PIWIL2: variants seen among roughly 807,000 people sequenced by gnomAD.
PIWIL2 encodes piwi-like protein 2.
Under a neutral mutation model 116.5 loss-of-function variants are expected in PIWIL2, and 81 were observed. That is an observed-to-expected ratio of 0.70 (90% CI 0.58 to 0.84). The LOEUF (loss-of-function observed/expected upper bound fraction) is 0.84, where lower values mean the gene tolerates loss of function less well. Ranked by LOEUF, PIWIL2 falls within the 40% of genes least tolerant of loss-of-function variation. The pLI is 0.00. For missense variants in PIWIL2, 1,272 were observed against 1,212.3 expected, an observed-to-expected ratio of 1.05 and a Z score of -0.73; for synonymous variants, 489 against 429.5, an observed-to-expected ratio of 1.14 and a Z score of -1.71.
At position 22,337,741 on chromosome 8, in the gene PIWIL2, TTAATAA is replaced by T. The variant is rs537946151; in HGVS notation, c.2404-15214_2404-15209del. Among the ~76,000 whole-genome samples the T allele has an allele frequency of 3.5e-4, 53 of 150,942 alleles. 1 individual carries two copies. Among genetic ancestry groups the T allele is most frequent in the African/African-American group, 1.3e-3 (53 of 41,128 alleles). On this transcript the variant is annotated intron_variant, in intron 20 of 22. Coordinates refer to ENST00000356766, the MANE Select transcript of PIWIL2 (RefSeq NM_018068.5). Reference sequence around the variant, plus strand: ...GCAAAACTCTGTCTCAAAAAAAAAATTAATAATAAATAAATAATAATACTAGACATA... The same window carrying T: ...GCAAAACTCTGTCTCAAAAAAAAAATTAAATAAATAATAATACTAGACATA...
chr8:22,319,424 C>A (rs1425265362), intron 20 of PIWIL2, among the ~76,000 whole-genome samples: 1 of 152,150 alleles, frequency 6.6e-6, no homozygotes, highest in East Asian at 1.9e-4. Flanking sequence ...GATCTGTCTT[C>A]TAATACCTAT....
chr8:22,323,169 A>C (rs1586579169), intron 20 of PIWIL2, among the ~76,000 whole-genome samples: 1 of 84,456 alleles, frequency 1.2e-5, no homozygotes. Flanking sequence ...TTTTTTTGAG[A>C]CAGAGTCTTG....
chr8:22,347,516 CTTTTTTTT>C (rs1218303089), intron 20 of PIWIL2, among the ~76,000 whole-genome samples: 3 of 98,448 alleles, frequency 3.0e-5, no homozygotes, highest in African/African-American at 1.1e-4. Flanking sequence ...TGTGCCTGGC[CTTTTTTTT>C]TTTTTTTTTT....
intron 21 of PIWIL2, 49 bp downstream of exon 21, chr8:22,353,261 T>A: frequency 6.5e-7 from 1 of 1,535,914 alleles, no homozygotes; most frequent in Non-Finnish European, 8.9e-7. Flanking sequence ...GTTGGAGATG[T>A]TGTCACTTTC....
At chr8:22,296,579 A>C (rs1830912735) in intron 10 of PIWIL2, among the ~76,000 whole-genome samples, 1 of 152,208 alleles carries the variant, frequency 6.6e-6, no homozygotes, top group East Asian at 1.9e-4. Context: ...GTTTGGAGAT[A>C]CTTTACCCTG....
At chr8:22,339,360 T>C (rs1164017951) in intron 20 of PIWIL2, among the ~76,000 whole-genome samples, 1 of 151,842 alleles carries the variant, frequency 6.6e-6, no homozygotes, top group African/African-American at 2.4e-5. Flanking sequence ...ACAAAAAAAT[T>C]AGCTGGGCGT....
intron 20 of PIWIL2, among the ~76,000 whole-genome samples, chr8:22,324,720 CTT>C (rs1229063910): frequency 6.6e-6 from 1 of 152,176 alleles, no homozygotes; most frequent in Non-Finnish European, 1.5e-5. Context: ...GAAATAAAGT[CTT>C]TGCATATGAT....
At position 22,294,171 on chromosome 8, in the gene PIWIL2, C is replaced by G. The variant is rs149028830; in HGVS notation, c.1181+3825C>G. Among the ~76,000 whole-genome samples the G allele has an allele frequency of 7.0e-3, 1,062 of 151,642 alleles. 3 individuals carry two copies. Among genetic ancestry groups the G allele is most frequent in the Non-Finnish European group, 0.01 (704 of 67,930 alleles). On this transcript the variant is annotated intron_variant, in intron 10 of 22. Coordinates refer to ENST00000356766, the MANE Select transcript of PIWIL2 (RefSeq NM_018068.5). ...TGGCCAACATGGTGAAACCCTGTCT[C>G]TGCTAAAAATACAAAAATTAGCCAG...
rs761546013 is a variant in PIWIL2, at chr8:22,353,203, G to A, written c.2648G>A (p.Ser883Asn). The change falls in exon 21 of 23, where the codon AGC (serine) becomes AAC (asparagine). Residue 883 changes from serine to asparagine, a missense_variant. Transcript: ENST00000356766. ...PGTVVDHTITSCEWVDFYLLA... is the reference protein window; with the variant it reads ...PGTVVDHTITNCEWVDFYLLA... ...ACTGTGGTAGATCATACAATAACAA[G>A]CTGTGAGTGGTAAGTGAGCAAAATA... 2 of 1,610,930 alleles carry A rather than the reference G, an allele frequency of 1.2e-6. No homozygotes were observed. Among genetic ancestry groups the A allele is most frequent in the East Asian group, 2.2e-5 (1 of 44,812 alleles).
chr8:22,331,472 C>G (rs1161009887), intron 20 of PIWIL2, among the ~76,000 whole-genome samples: 4 of 151,602 alleles, frequency 2.6e-5, no homozygotes, highest in Non-Finnish European at 5.9e-5. Flanking sequence ...AGAGCGAGAC[C>G]CTGTTGCAAA....
intron 20 of PIWIL2, among the ~76,000 whole-genome samples, chr8:22,338,754 G>A (rs1832039151): frequency 1.3e-5 from 2 of 152,062 alleles, no homozygotes; most frequent in Admixed American, 6.6e-5. Flanking sequence ...AGAAAACAAT[G>A]GAGTACTTTG....
chr8:22,337,200 A>T (rs756825327), intron 20 of PIWIL2, among the ~76,000 whole-genome samples: 1 of 152,156 alleles, frequency 6.6e-6, no homozygotes, highest in South Asian at 2.1e-4. Context: ...CTGCAGAAGG[A>T]TCCAGACTGG....
At chr8:22,285,174 C>T (rs1830602048) in intron 6 of PIWIL2, among the ~76,000 whole-genome samples, 2 of 152,170 alleles carry the variant, frequency 1.3e-5, no homozygotes, top group African/African-American at 4.8e-5. Context: ...ACTTACTCCA[C>T]CTGTCTATCT....
In PIWIL2 at chr8:22,292,037, G is replaced by A. The variant is rs547719174; in HGVS notation, c.1181+1691G>A. On this transcript the variant is annotated intron_variant, in intron 10 of 22. Coordinates refer to ENST00000356766, the MANE Select transcript of PIWIL2 (RefSeq NM_018068.5). ...GAAAGAGGTAAGAGGTTAGCCAGGT[G>A]AAGGGAGAAGAAGCTTTTGGCATGT... Among the ~76,000 whole-genome samples the A allele has an allele frequency of 2.0e-5, 3 of 152,280 alleles. No individual in the cohort carries two copies. In the South Asian group the frequency reaches 6.2e-4, roughly 32 times the overall value.
intron 20 of PIWIL2, among the ~76,000 whole-genome samples, chr8:22,339,348 A>G (rs1456119640): frequency 6.6e-6 from 1 of 152,112 alleles, no homozygotes; most frequent in East Asian, 1.9e-4. Flanking sequence ...TCTACTAAAA[A>G]TACAAAAAAA....
rs779816436 is a variant in PIWIL2 at position 22,304,002 on chromosome 8, CTT to C, written c.1182-16_1182-15del. On this transcript the variant is annotated splice_polypyrimidine_tract_variant and intron_variant, in intron 10 of 22. Coordinates refer to ENST00000356766, the MANE Select transcript of PIWIL2 (RefSeq NM_018068.5). The stretch of plus-strand genomic sequence containing the variant: ...TGGATATATACTGTGATCCAAAAGT[CTT>C]TTATCTCTTTCCAAAGGCATGCCAT... The C allele has an allele frequency of 1.9e-6, 3 of 1,578,642 alleles. No individual in the cohort carries two copies. The highest frequency in any genetic ancestry group is 2.6e-6 in the Non-Finnish European group (3 of 1,153,570).
chr8:22,347,764 T>G (rs1161876156), intron 20 of PIWIL2, among the ~76,000 whole-genome samples: 1 of 151,596 alleles, frequency 6.6e-6, no homozygotes, highest in Non-Finnish European at 1.5e-5. Context: ...TGACCTCAGG[T>G]GATCCGCCCA....
At chr8:22,301,748 T>C (rs1044966924) in intron 10 of PIWIL2, among the ~76,000 whole-genome samples, 1 of 151,994 alleles carries the variant, frequency 6.6e-6, no homozygotes, top group African/African-American at 2.4e-5. Flanking sequence ...AGGTTTATAG[T>C]TTTGACTCAT....
intron 15 of PIWIL2, among the ~76,000 whole-genome samples, chr8:22,310,522 G>T (rs1438714485): frequency 6.6e-6 from 1 of 152,192 alleles, no homozygotes; most frequent in East Asian, 1.9e-4. Context: ...GGACTTCATG[G>T]CCAGATATAT....
Sources: allele counts gnomAD v4.1 joint callset (sites outside exome capture counted in the v4.1 genomes callset), GRCh38; gene constraint gnomAD v4.1.1; transcripts MANE v1.5; gene names NCBI Gene and HGNC (gene_info 2026-07-23, HGNC 2026-07-21).